The following PHACTR1 variants were observed in gnomAD, a reference collection of about 807,000 sequenced individuals.
PHACTR1 encodes the protein phosphatase and actin regulator 1, also known as RPEL repeat containing 1.
PHACTR1 carries 16 observed loss-of-function variants against 69.2 expected under a neutral mutation model. The ratio of observed to expected loss-of-function variants is 0.23; its 90% confidence interval spans 0.16 to 0.35. The LOEUF (loss-of-function observed/expected upper bound fraction) is 0.35, where lower values mean the gene tolerates loss of function less well. Among genes scored for constraint, PHACTR1 ranks in the 10% least tolerant of loss-of-function variants. The probability of loss-of-function intolerance (pLI) is 1.00; values close to 1 mark genes in which losing one functional copy is unlikely to be tolerated. For synonymous variants in PHACTR1, 312 were observed against 284.5 expected, an observed-to-expected ratio of 1.10 and a Z score of -0.97; for missense variants, 510 against 734.7, an observed-to-expected ratio of 0.69 and a Z score of 3.54.
intron 5 of PHACTR1, among the ~76,000 whole-genome samples, chr6:13,086,355 AC>A (rs1812300063): frequency 6.6e-6 from 1 of 152,158 alleles, no homozygotes; most frequent in Non-Finnish European, 1.5e-5. Flanking sequence ...GATGTAATTT[AC>A]ACTCAGCAAA....
At chr6:13,048,522 T>TTGTG (rs70989824) in intron 4 of PHACTR1, among the ~76,000 whole-genome samples, 4,928 of 142,822 alleles carry the variant, frequency 0.035, 187 homozygotes, top group African/African-American at 0.089. Flanking sequence ...TTCCATTTCT[T>TTGTG]TGTGTGTGTG....
At chr6:12,859,247 TC>T (rs1476524143) in intron 4 of PHACTR1, among the ~76,000 whole-genome samples, 1 of 152,198 alleles carries the variant, frequency 6.6e-6, no homozygotes, top group Non-Finnish European at 1.5e-5. Context: ...TACTGGCCAT[TC>T]TTTTTTAATA....
chr6:12,884,691 G>A (rs183769895), intron 4 of PHACTR1, among the ~76,000 whole-genome samples: 2 of 152,274 alleles, frequency 1.3e-5, no homozygotes, highest in Admixed American at 6.5e-5. Context: ...GTAAGCCACC[G>A]CGCCCGGCCT....
At chr6:13,262,394 G>A (rs1156923874) in intron 10 of PHACTR1, among the ~76,000 whole-genome samples, 1 of 152,154 alleles carries the variant, frequency 6.6e-6, no homozygotes, top group Non-Finnish European at 1.5e-5. Flanking sequence ...TAGAAAGGTG[G>A]CCAGGAACTC....
At chr6:12,818,026 T>C (rs1222094141) in intron 4 of PHACTR1, among the ~76,000 whole-genome samples, 1 of 152,066 alleles carries the variant, frequency 6.6e-6, no homozygotes, top group African/African-American at 2.4e-5. Flanking sequence ...GGTTTCACCA[T>C]ATTAGCCAGG....
At chr6:13,272,219 T>C (rs924714947) in intron 10 of PHACTR1, 1 of 152,448 alleles carries the variant, frequency 6.6e-6, no homozygotes, top group East Asian at 1.9e-4. Flanking sequence ...CCTCCACCCA[T>C]TGCGTCATTG....
intron 4 of PHACTR1, among the ~76,000 whole-genome samples, chr6:12,932,320 C>T (rs1013963325): frequency 1.3e-5 from 2 of 152,160 alleles, no homozygotes; most frequent in African/African-American, 2.4e-5. Context: ...AAAAATTTCT[C>T]ATTCATCAGC....
chr6:13,017,542 A>G (rs1800373429), intron 4 of PHACTR1, among the ~76,000 whole-genome samples: 1 of 152,162 alleles, frequency 6.6e-6, no homozygotes, highest in Admixed American at 6.5e-5. Flanking sequence ...ATAAAGCCAT[A>G]AGAAACACAG....
At chr6:12,754,505 A>G (rs935752836) in intron 4 of PHACTR1, among the ~76,000 whole-genome samples, 4 of 152,156 alleles carry the variant, frequency 2.6e-5, no homozygotes, top group Admixed American at 2.6e-4. Context: ...CAAATGGTGG[A>G]TCTCACAGCT....
At chr6:12,725,161 C>T (rs1015568255) in intron 3 of PHACTR1, among the ~76,000 whole-genome samples, 3 of 152,160 alleles carry the variant, frequency 2.0e-5, no homozygotes, top group East Asian at 1.9e-4. Context: ...TCCCCTCACG[C>T]CTCCACCCAC....
At chr6:13,262,825 A>G (rs900234824) in intron 10 of PHACTR1, among the ~76,000 whole-genome samples, 1 of 152,152 alleles carries the variant, frequency 6.6e-6, no homozygotes, top group South Asian at 2.1e-4. Flanking sequence ...TCCTCTTTCC[A>G]TCTGTCTGAA....
At chr6:13,151,187 C>G (rs1467404690) in intron 5 of PHACTR1, among the ~76,000 whole-genome samples, 1 of 152,172 alleles carries the variant, frequency 6.6e-6, no homozygotes, top group East Asian at 1.9e-4. Flanking sequence ...TTGCTTTTCC[C>G]CCTTCAACTT....
chr6:13,218,112 CAGAA>C (rs1223167138), intron 8 of PHACTR1, among the ~76,000 whole-genome samples: 26 of 152,146 alleles, frequency 1.7e-4, no homozygotes, highest in African/African-American at 6.0e-4. Flanking sequence ...AATCAGATAT[CAGAA>C]AGCAATATTC....
chr6:12,846,260 G>T (rs1779252608), intron 4 of PHACTR1, among the ~76,000 whole-genome samples: 1 of 152,114 alleles, frequency 6.6e-6, no homozygotes, highest in African/African-American at 2.4e-5. Context: ...TCAATGAATG[G>T]ATTGATAAAT....
chr6:12,896,600 A>T (rs1024969421), intron 4 of PHACTR1, among the ~76,000 whole-genome samples: 2 of 152,208 alleles, frequency 1.3e-5, no homozygotes, highest in African/African-American at 4.8e-5. Context: ...AGGGCATTGG[A>T]TGGGATCCCT....
intron 5 of PHACTR1, among the ~76,000 whole-genome samples, chr6:13,059,660 T>A (rs1807392555): frequency 6.6e-6 from 1 of 152,180 alleles, no homozygotes; most frequent in Non-Finnish European, 1.5e-5. Context: ...TGACAATTTT[T>A]AAAATAAAAA....
At chr6:12,983,946 T>C (rs182401671) in intron 4 of PHACTR1, among the ~76,000 whole-genome samples, 6 of 152,380 alleles carry the variant, frequency 3.9e-5, no homozygotes, top group Admixed American at 3.3e-4. Flanking sequence ...CAGTCTATCA[T>C]TGATGGACAT....
At chr6:12,976,540 C>T (rs1794903315) in intron 4 of PHACTR1, among the ~76,000 whole-genome samples, 1 of 152,156 alleles carries the variant, frequency 6.6e-6, no homozygotes, top group African/African-American at 2.4e-5. Context: ...ATAGTCTTTC[C>T]CACTTATCAG....
chr6:12,849,157 G>T (rs562184201), intron 4 of PHACTR1, among the ~76,000 whole-genome samples: 3 of 152,162 alleles, frequency 2.0e-5, no homozygotes, highest in Non-Finnish European at 2.9e-5. Flanking sequence ...TTTTCCCAAC[G>T]TAAGAGCAAT....
Sources: gnomAD v4.1 joint callset for allele counts (sites outside exome capture counted in the v4.1 genomes callset) on GRCh38, gnomAD v4.1.1 for gene constraint, MANE v1.5 for transcripts, NCBI Gene and HGNC (gene_info 2026-07-23, HGNC 2026-07-21) for gene names.